EDN3: variants seen among roughly 807,000 people sequenced by gnomAD.
EDN3 encodes endothelin-3.
In EDN3, 9 loss-of-function variants were observed where a neutral mutation model predicts 21.4. That is an observed-to-expected ratio of 0.42 (90% CI 0.25 to 0.73). EDN3 has a LOEUF of 0.73. EDN3 is among the 30% of genes least tolerant of loss of function. The pLI is 0.26. For missense variants in EDN3, 327 were observed against 309.4 expected, an observed-to-expected ratio of 1.06 and a Z score of -0.43; for synonymous variants, 133 against 126.2, an observed-to-expected ratio of 1.05 and a Z score of -0.36.
Position 59,311,022 on chromosome 20 carries a change from T to C in EDN3, c.365+9300T>C, listed in dbSNP as rs11570300. Among the ~76,000 whole-genome samples, 45 of 152,208 alleles carry C rather than the reference T, an allele frequency of 3.0e-4. No homozygotes were observed. The South Asian group carries it at 9.1e-3, about 31-fold the overall frequency. ...GTAGGAAAAAACAAGTAAAATGTAA[T>C]GCACTATTTTCAGAAAGCCAAAATG... On this transcript the variant is annotated intron_variant, in intron 2 of 4. Coordinates refer to ENST00000337938, the MANE Select transcript of EDN3 (RefSeq NM_207034.3).
At position 59,324,519 on chromosome 20, in the gene EDN3, C is replaced by T; in HGVS notation, c.*60C>T. ...CTTCTGTCATTGCTCACACACAGTTCAGATTTCCACCTCTTTATAGACAAG... is the reference window on the plus strand; with the variant it reads ...CTTCTGTCATTGCTCACACACAGTTTAGATTTCCACCTCTTTATAGACAAG... On this transcript the variant is annotated 3_prime_UTR_variant, in exon 5 of 5. Transcript: ENST00000337938. 1.2e-6 allele frequency: 2 copies of T among 1,610,878 alleles called. No homozygotes were observed. The highest frequency in any genetic ancestry group is 1.7e-6 in the Non-Finnish European group (2 of 1,177,734).
intron 2 of EDN3, among the ~76,000 whole-genome samples, chr20:59,314,702 C>T (rs1208969746): frequency 5.3e-5 from 8 of 152,070 alleles, no homozygotes; most frequent in Admixed American, 5.2e-4. Flanking sequence ...CCCCCAGAGA[C>T]CTCACACAAT....
rs904095515 is a variant in EDN3, at chr20:59,324,225, G to C, written c.589-106G>C. ...AGTTCCAATCAGGGAACAGGCTGGA[G>C]AGGCAGTGGGAAGACGTTCCCTTTT... On this transcript the variant is annotated intron_variant, in intron 4 of 4. Coordinates refer to ENST00000337938, the MANE Select transcript of EDN3 (RefSeq NM_207034.3). 7 of 1,400,866 alleles carry C rather than the reference G, an allele frequency of 5.0e-6. No homozygotes were observed. In the African/African-American group the frequency reaches 8.5e-5, roughly 17 times the overall value. 86.8% of individuals were successfully genotyped at this position (1,400,866 alleles called of 1,614,324 possible).
intron 2 of EDN3, among the ~76,000 whole-genome samples, chr20:59,318,684 C>T (rs890617248): frequency 3.3e-5 from 5 of 152,268 alleles, no homozygotes; most frequent in Admixed American, 6.5e-5. Flanking sequence ...CCTGTTTGCA[C>T]ACCAGCACTT....
chr20:59,308,482 T>G (rs1178516207), intron 2 of EDN3, among the ~76,000 whole-genome samples: 2 of 152,194 alleles, frequency 1.3e-5, no homozygotes, highest in African/African-American at 4.8e-5. Context: ...GAGGAACAGA[T>G]CCCTTTGTAG....
At chr20:59,308,675 C>A (rs538349663) in intron 2 of EDN3, among the ~76,000 whole-genome samples, 1 of 152,178 alleles carries the variant, frequency 6.6e-6, no homozygotes, top group Non-Finnish European at 1.5e-5. Flanking sequence ...GTTAGCACAG[C>A]GCCTACAATC....
At position 59,324,471 on chromosome 20, in the gene EDN3, T is replaced by A. The variant is rs1600765008; in HGVS notation, c.*12T>A. The A allele has an allele frequency of 6.2e-7, 1 of 1,614,006 alleles. No individual in the cohort carries two copies. Among genetic ancestry groups the A allele is most frequent in the East Asian group, 2.2e-5 (1 of 44,872 alleles). On this transcript the variant is annotated 3_prime_UTR_variant, in exon 5 of 5. Coordinates refer to ENST00000337938, the MANE Select transcript of EDN3 (RefSeq NM_207034.3). ...AAGGAGCCCCTTAGGAGGACAGGCCTGCAGCATCCTGGTCTCGGGAGGCTT... is the reference window on the plus strand; with the variant it reads ...AAGGAGCCCCTTAGGAGGACAGGCCAGCAGCATCCTGGTCTCGGGAGGCTT...
intron 2 of EDN3, among the ~76,000 whole-genome samples, chr20:59,308,694 A>C (rs986624128): frequency 6.6e-6 from 1 of 152,156 alleles, no homozygotes; most frequent in African/African-American, 2.4e-5. Flanking sequence ...TCTAGTAAAC[A>C]CTCAACGTCT....
intron 4 of EDN3, among the ~76,000 whole-genome samples, chr20:59,323,264 C>A (rs1405623171): frequency 1.3e-5 from 2 of 152,064 alleles, no homozygotes; most frequent in East Asian, 3.9e-4. Context: ...AGAGACAGAG[C>A]CCGGGAGAGC....
chr20:59,301,278 G>A (rs958515284), intron 1 of EDN3, 132 bp from the exon 2 acceptor site: 1 of 1,144,668 alleles, frequency 8.7e-7, no homozygotes, highest in South Asian at 1.4e-5. Context: ...AAACTTTTCA[G>A]AAACTGCGCA....
At chr20:59,320,967 G>A (rs1275682429) in intron 2 of EDN3, 50 bp from the exon 3 acceptor site, 26 of 1,610,634 alleles carry the variant, frequency 1.6e-5, no homozygotes, top group Non-Finnish European at 2.0e-5. Flanking sequence ...GGGGGCCCCT[G>A]AGCAGGGAGG....
chr20:59,323,664 AG>A (rs2146887852), intron 4 of EDN3: 1 of 399,912 alleles, frequency 2.5e-6, no homozygotes, highest in Admixed American at 4.4e-5. Flanking sequence ...CTTTCTCACC[AG>A]GTGACCTGAA....
At chr20:59,310,192 C>T (rs1462712709) in intron 2 of EDN3, among the ~76,000 whole-genome samples, 1 of 152,060 alleles carries the variant, frequency 6.6e-6, no homozygotes, top group Non-Finnish European at 1.5e-5. Flanking sequence ...AAAGGGTGAC[C>T]CTGTCTACGG....
intron 2 of EDN3, among the ~76,000 whole-genome samples, chr20:59,320,100 ACTC>A (rs1465761537): frequency 6.6e-6 from 1 of 151,938 alleles, no homozygotes; most frequent in East Asian, 1.9e-4. Context: ...ACACCATCAC[ACTC>A]CTCCTGCCAA....
intron 2 of EDN3, among the ~76,000 whole-genome samples, chr20:59,310,577 G>A (rs1035000759): frequency 1.3e-5 from 2 of 152,082 alleles, no homozygotes; most frequent in African/African-American, 2.4e-5. Context: ...GGGAGACCTT[G>A]GGGACATTCA....
rs374873073 is a variant in EDN3 at position 59,321,055 on chromosome 20, G to T, written c.404G>T (p.Ser135Ile). The stretch of plus-strand genomic sequence containing the variant: ...TATGGACTGTCCAACTACAGAGGAA[G>T]CTTCCGGGGCAAGAGGTCTGCGGGG... ...VPYGLSNYRG[S>I]FRGKRSAGPL... Residue 135 changes from serine (S) to isoleucine (I), a missense_variant, in exon 3 of 5, where the codon AGC (serine) becomes ATC (isoleucine). Coordinates refer to ENST00000337938, the MANE Select transcript of EDN3 (RefSeq NM_207034.3). 92 of 1,614,130 alleles carry T rather than the reference G, an allele frequency of 5.7e-5. No homozygotes were observed. Among genetic ancestry groups the T allele is most frequent in the Non-Finnish European group, 7.0e-5 (83 of 1,180,058 alleles).
At chr20:59,301,042 C>A (rs1039473535) in intron 1 of EDN3, among the ~76,000 whole-genome samples, 178 bp downstream of exon 1, 5 of 152,208 alleles carry the variant, frequency 3.3e-5, no homozygotes, top group Admixed American at 6.5e-5. Context: ...CAACGACTAC[C>A]CGCACGGGCT....
chr20:59,313,503 A>T (rs921977117), intron 2 of EDN3, among the ~76,000 whole-genome samples: 6 of 152,252 alleles, frequency 3.9e-5, no homozygotes, highest in Non-Finnish European at 8.8e-5. Context: ...GTCCTGGGTA[A>T]ATCCAAAGGT....
chr20:59,319,047 C>T (rs1030518443), intron 2 of EDN3, among the ~76,000 whole-genome samples: 7 of 152,296 alleles, frequency 4.6e-5, no homozygotes, highest in African/African-American at 1.4e-4. Flanking sequence ...ACCCCCATTT[C>T]CCATTCCTGA....
Sources: gnomAD v4.1 joint callset for allele counts (sites outside exome capture counted in the v4.1 genomes callset) on GRCh38, gnomAD v4.1.1 for gene constraint, MANE v1.5 for transcripts, NCBI Gene and HGNC (gene_info 2026-07-23, HGNC 2026-07-21) for gene names.